The following EEA1 variants were observed in gnomAD, a reference collection of about 807,000 sequenced individuals.
EEA1 encodes the protein early endosome antigen 1, 162kD.
Under a neutral mutation model 209.2 loss-of-function variants are expected in EEA1, and 111 were observed. The observed-to-expected ratio is 0.53, with a 90% CI of 0.45 to 0.62. The LOEUF (loss-of-function observed/expected upper bound fraction) is 0.62. Ranked by LOEUF, EEA1 falls within the 20% of genes least tolerant of loss-of-function variation. EEA1 has a pLI of 0.00. For synonymous variants in EEA1, 536 were observed against 540.6 expected (o/e 0.99, Z 0.12); for missense variants, 1,343 against 1,530.8 (o/e 0.88, Z 2.05).
chr12:92,885,322 T>C (rs1879333638), intron 2 of EEA1, among the ~76,000 whole-genome samples: 1 of 152,164 alleles, frequency 6.6e-6, no homozygotes, highest in Admixed American at 6.5e-5. Flanking sequence ...GAGACCATGA[T>C]ATTTCCAATT....
At chr12:92,801,511 C>T (rs1188869801) in intron 20 of EEA1, 89 bp downstream of exon 20, 13 of 837,220 alleles carry the variant, frequency 1.6e-5, no homozygotes, top group Admixed American at 3.6e-5. Context: ...GAAATGCCCC[C>T]AAGAACAAAC....
At chr12:92,832,289 A>T (rs536715786) in intron 11 of EEA1, among the ~76,000 whole-genome samples, 1 of 152,212 alleles carries the variant, frequency 6.6e-6, no homozygotes, top group East Asian at 1.9e-4. Flanking sequence ...ATTCATAAAC[A>T]TTTCCCCACA....
chr12:92,776,910 C>A lies in EEA1; in HGVS notation c.4047G>T (p.Trp1349Cys). The change falls in exon 28 of 29, where the codon TGG (tryptophan) becomes TGT (cysteine). Residue 1349 changes from tryptophan to cysteine, a missense_variant. This residue lies in a region of EEA1 where 1,307 missense variants were observed against 1,465.5 expected (regional missense o/e 0.89). Coordinates refer to ENST00000322349, the MANE Select transcript of EEA1 (RefSeq NM_003566.4). ...IKHTQALNRK[W>C]AEDNEVQNCM... The stretch of plus-strand genomic sequence containing the variant: ...AGTTTTGTACTTCATTGTCTTCGGC[C>A]CACTTTCTATTCAACGCTTGTGTAT... 6.2e-7 allele frequency: 1 copy of A among 1,611,826 alleles called. No individual in the cohort carries two copies. The highest frequency in any genetic ancestry group is 1.3e-5 in the African/African-American group (1 of 74,910).
At chr12:92,816,829 C>G (rs1371736367) in intron 14 of EEA1, among the ~76,000 whole-genome samples, 450 of 146,896 alleles carry the variant, frequency 3.1e-3, no homozygotes, top group African/African-American at 0.012. Flanking sequence ...AATAAGTTTT[C>G]TTTATATATT....
chr12:92,908,273 G>C (rs545075655), intron 1 of EEA1, among the ~76,000 whole-genome samples: 40 of 152,284 alleles, frequency 2.6e-4, no homozygotes, highest in African/African-American at 9.6e-4. Flanking sequence ...ACCTAGAACA[G>C]TTAAATTCAT....
Position 92,816,410 on chromosome 12 carries a change from A to T in EEA1, c.1729-10T>A, listed in dbSNP as rs748545188. 1.2e-6 allele frequency: 2 copies of T among 1,611,206 alleles called. No homozygotes were observed. The highest frequency in any genetic ancestry group is 1.7e-6 in the Non-Finnish European group (2 of 1,178,166). ...CTGTTAGTTGAGTTACCTGTTATACAAGTAAGACTAATCGTGAAGTTCACA... is the reference window on the plus strand; with the variant it reads ...CTGTTAGTTGAGTTACCTGTTATACTAGTAAGACTAATCGTGAAGTTCACA... On this transcript the variant is annotated splice_polypyrimidine_tract_variant and intron_variant, in intron 14 of 28. Transcript: ENST00000322349.
intron 9 of EEA1, among the ~76,000 whole-genome samples, chr12:92,847,188 T>C (rs1474687734): frequency 6.6e-6 from 1 of 152,142 alleles, no homozygotes; most frequent in African/African-American, 2.4e-5. Flanking sequence ...ACTCCTGACC[T>C]CAGGTGATCC....
intron 3 of EEA1, chr12:92,858,115 C>T: frequency 1.8e-6 from 1 of 540,566 alleles, no homozygotes; most frequent in South Asian, 2.0e-5. Context: ...ACTAGGTGTT[C>T]ATTGAGAAGG....
rs572199587 is a variant in EEA1, at chr12:92,886,659, GA to G, written c.117+4969del. On this transcript the variant is annotated intron_variant, in intron 2 of 28. Coordinates refer to ENST00000322349, the MANE Select transcript of EEA1 (RefSeq NM_003566.4). The stretch of plus-strand genomic sequence containing the variant: ...GGGGAAGGGGGAAGGGGAGAAGGGG[GA>G]AAGGGAGGAAGAAAGGAAGGAAGGA... Among the ~76,000 whole-genome samples, 396 of 130,104 alleles carry G rather than the reference GA, an allele frequency of 3.0e-3. 13 individuals carry two copies. The highest frequency in any genetic ancestry group is 0.03 in the Admixed American group (376 of 12,586). 85.4% of individuals were successfully genotyped at this position (130,104 alleles called of 152,430 possible). A position where few individuals can be genotyped will look rare whatever the true frequency, so the allele number is the denominator to read the frequency against.
intron 10 of EEA1, 104 bp from the exon 11 acceptor site, chr12:92,832,954 G>A (rs111336029): frequency 1.3e-6 from 1 of 790,518 alleles, no homozygotes. Flanking sequence ...ATACATTTTA[G>A]TCAATATTAA....
chr12:92,847,924 G>T (rs1240475351), intron 9 of EEA1, among the ~76,000 whole-genome samples: 1 of 151,930 alleles, frequency 6.6e-6, no homozygotes, highest in Non-Finnish European at 1.5e-5. Flanking sequence ...GTAAGAGTTT[G>T]TTTCTAATAA....
chr12:92,914,117 C>T (rs1367856193), intron 1 of EEA1, among the ~76,000 whole-genome samples: 1 of 152,112 alleles, frequency 6.6e-6, no homozygotes, highest in African/African-American at 2.4e-5. Context: ...CCTTTCCCCG[C>T]TGCATTTCCC....
At chr12:92,925,836 T>C (rs996034074) in intron 1 of EEA1, among the ~76,000 whole-genome samples, 5 of 152,158 alleles carry the variant, frequency 3.3e-5, no homozygotes, top group African/African-American at 1.2e-4. Flanking sequence ...CTGAGACTTA[T>C]TGATGATGTT....
rs564699267 is a variant in EEA1, at chr12:92,845,241, T to C, written c.799-2660A>G. Reference sequence around the variant, plus strand: ...ATAAGGAAAGATTTGGGAAGACTTATACATCCAGAGGCCAACTTTAGTTAT... The same window carrying C: ...ATAAGGAAAGATTTGGGAAGACTTACACATCCAGAGGCCAACTTTAGTTAT... On this transcript the variant is annotated intron_variant, in intron 9 of 28. Transcript: ENST00000322349. 3.9e-5 allele frequency among the ~76,000 whole-genome samples: 6 copies of C among 152,244 alleles called. No individual in the cohort carries two copies. In the East Asian group the frequency reaches 5.8e-4, roughly 15 times the overall value.
In EEA1 at chr12:92,809,124, T is replaced by C; in HGVS notation, c.2232A>G (p.Ala744=). ...KLEADSLEVK[A]SKEQALQDLQ... ...GATCTTGCAAAGCCTGCTCCTTGCT[T>C]GCTTTAACTTCAAGACTATCAGCTT... Residue 744 remains alanine (A), a synonymous_variant, in exon 18 of 29, where the codon GCA becomes GCG. Coordinates refer to ENST00000322349, the MANE Select transcript of EEA1 (RefSeq NM_003566.4). 2 of 1,597,274 alleles carry C rather than the reference T, an allele frequency of 1.3e-6. No homozygotes were observed. Among genetic ancestry groups the C allele is most frequent in the Admixed American group, 3.4e-5 (2 of 58,388 alleles).
At chr12:92,793,295 A>G (rs1045810153) in intron 21 of EEA1, among the ~76,000 whole-genome samples, 2 of 152,214 alleles carry the variant, frequency 1.3e-5, no homozygotes, top group Admixed American at 1.3e-4. Flanking sequence ...ATCAGGCAAG[A>G]GAAAGAAATA....
At chr12:92,919,475 A>T (rs1880898812) in intron 1 of EEA1, among the ~76,000 whole-genome samples, 1 of 141,672 alleles carries the variant, frequency 7.1e-6, no homozygotes, top group African/African-American at 2.6e-5. Context: ...CCAGCATATA[A>T]ACAGAACCAA....
At chr12:92,820,281 C>CA (rs916699200) in intron 13 of EEA1, among the ~76,000 whole-genome samples, 5 of 152,158 alleles carry the variant, frequency 3.3e-5, no homozygotes, top group African/African-American at 1.2e-4. Context: ...ATCGATATAG[C>CA]AAGAGATCCC....
intron 15 of EEA1, among the ~76,000 whole-genome samples, chr12:92,814,962 A>C (rs1165880942): frequency 6.6e-6 from 1 of 152,218 alleles, no homozygotes; most frequent in Non-Finnish European, 1.5e-5. Context: ...CCTTTGGCTA[A>C]GCACTTTTGG....
Sources: gnomAD v4.1 joint callset for allele counts (sites outside exome capture counted in the v4.1 genomes callset) on GRCh38, gnomAD v4.1.1 for gene constraint, gnomAD v4.1.1 regional missense constraint, MANE v1.5 for transcripts, NCBI Gene and HGNC (gene_info 2026-07-23, HGNC 2026-07-21) for gene names.